Variants in TIAM2 observed in about 807,000 individuals in gnomAD.
TIAM2 encodes the protein TIAM Rac1 associated GEF 2.
In TIAM2, 80 loss-of-function variants were observed where a neutral mutation model predicts 152.9. The ratio of observed to expected loss-of-function variants is 0.52; its 90% CI spans 0.44 to 0.63. The LOEUF (loss-of-function observed/expected upper bound fraction) is 0.63. Among genes scored for constraint, TIAM2 ranks in the 30% least tolerant of loss-of-function variants. TIAM2 has a pLI of 0.00. For synonymous variants in TIAM2, 804 were observed against 838.0 expected (o/e 0.96, Z 0.70); for missense variants, 1,965 against 2,120.1 (o/e 0.93, Z 1.44).
chr6:155,102,809 GTA>G (rs1440887099), intron 2 of TIAM2, among the ~76,000 whole-genome samples: 9 of 127,476 alleles, frequency 7.1e-5, no homozygotes, highest in East Asian at 2.2e-4. Flanking sequence ...GTGTGTGTGT[GTA>G]TACATATATT....
At chr6:155,177,011 A>G (rs781718681) in intron 10 of TIAM2, 34 bp downstream of exon 10, 1 of 1,584,990 alleles carries the variant, frequency 6.3e-7, no homozygotes, top group Non-Finnish European at 8.6e-7. Context: ...ATATTTCTGA[A>G]TAGAAATAAT....
intron 14 of TIAM2, among the ~76,000 whole-genome samples, chr6:155,197,297 T>C (rs183238121): frequency 5.5e-4 from 84 of 152,390 alleles, no homozygotes; most frequent in Admixed American, 8.5e-4. Flanking sequence ...AGTTGATGAA[T>C]GGCCATGCCA....
intron 14 of TIAM2, among the ~76,000 whole-genome samples, chr6:155,204,443 A>G (rs1365550894): frequency 2.6e-5 from 4 of 152,166 alleles, no homozygotes; most frequent in African/African-American, 7.2e-5. Flanking sequence ...TGCCATTTAC[A>G]TATGGAGTAT....
chr6:155,118,429 CTT>C (rs1170455092), intron 2 of TIAM2, among the ~76,000 whole-genome samples: 50 of 132,366 alleles, frequency 3.8e-4, no homozygotes, highest in African/African-American at 1.5e-3. Context: ...TTTTCTTTTT[CTT>C]TTTCTTTTTT....
At chr6:155,236,315 A>G (rs1782755900) in intron 15 of TIAM2, among the ~76,000 whole-genome samples, 1 of 151,932 alleles carries the variant, frequency 6.6e-6, no homozygotes, top group Admixed American at 6.6e-5. Context: ...AGAGTAGACC[A>G]GCAGTTCTCA....
At chr6:155,051,099 T>C (rs1285349404) in intron 1 of TIAM2, among the ~76,000 whole-genome samples, 2 of 152,086 alleles carry the variant, frequency 1.3e-5, no homozygotes, top group African/African-American at 4.8e-5. Flanking sequence ...GAAAAGCTGG[T>C]TTTTTGGTTC....
intron 12 of TIAM2, among the ~76,000 whole-genome samples, chr6:155,181,264 G>C (rs943913820): frequency 1.3e-5 from 2 of 152,192 alleles, no homozygotes; most frequent in African/African-American, 2.4e-5. Flanking sequence ...ATTCAGAAGA[G>C]GGAAGGTCTG....
chr6:155,200,566 C>T (rs1230711465), intron 14 of TIAM2, among the ~76,000 whole-genome samples: 1 of 152,104 alleles, frequency 6.6e-6, no homozygotes, highest in Non-Finnish European at 1.5e-5. Flanking sequence ...TCTAATTCCA[C>T]AATATTTTTA....
At chr6:155,017,579 T>C (rs576725974) in intron 1 of TIAM2, among the ~76,000 whole-genome samples, 7 of 149,358 alleles carry the variant, frequency 4.7e-5, no homozygotes, top group East Asian at 4.0e-4. Flanking sequence ...TCTTGGCTCA[T>C]TGCAACCTCC....
chr6:155,004,329 A>G (rs910968921), intron 1 of TIAM2, among the ~76,000 whole-genome samples: 1 of 152,160 alleles, frequency 6.6e-6, no homozygotes, highest in Admixed American at 6.5e-5. Flanking sequence ...GTCAAGGCCC[A>G]TACTCTGTAT....
intron 16 of TIAM2, among the ~76,000 whole-genome samples, chr6:155,241,113 G>A (rs922125768): frequency 1.3e-5 from 2 of 152,164 alleles, no homozygotes; most frequent in Non-Finnish European, 2.9e-5. Flanking sequence ...GCGGTGGCCC[G>A]GGCCAGCCCT....
intron 1 of TIAM2, among the ~76,000 whole-genome samples, chr6:155,016,640 T>C (rs1485476528): frequency 7.0e-6 from 1 of 143,528 alleles, no homozygotes. Context: ...GGCTCATGCC[T>C]GTAATCCCAG....
At chr6:155,045,624 G>A (rs919620075) in intron 1 of TIAM2, among the ~76,000 whole-genome samples, 3 of 152,024 alleles carry the variant, frequency 2.0e-5, no homozygotes, top group Admixed American at 6.6e-5. Flanking sequence ...AATTGGGAGG[G>A]TTCCATTTGA....
At chr6:155,112,305 T>G (rs1321736295) in intron 2 of TIAM2, among the ~76,000 whole-genome samples, 3 of 151,876 alleles carry the variant, frequency 2.0e-5, no homozygotes, top group Non-Finnish European at 4.4e-5. Flanking sequence ...TTTGTAATTT[T>G]TTTTAGTAGA....
In TIAM2 at chr6:155,144,699, T is replaced by A; in HGVS notation, c.1724T>A (p.Val575Glu). Reference sequence around the variant, plus strand: ...GCTCTGTTTGCAGAAGACAGCATAGTGCAGTCTGTTCCAGAGCATCCCAAG... The same window carrying A: ...GCTCTGTTTGCAGAAGACAGCATAGAGCAGTCTGTTCCAGAGCATCCCAAG... ...RCALFAEDSI[V>E]QSVPEHPKKE... The change falls in exon 6 of 27, where the codon GTG becomes GAG. Residue 575 changes from valine (V) to glutamate (E), a missense_variant. Around this residue, in one of 3 missense-constraint regions of TIAM2, gnomAD observed 1,025 missense variants for 1,119.4 expected, o/e 0.92. Transcript: ENST00000682666. The A allele has an allele frequency of 6.2e-7, 1 of 1,611,610 alleles. No individual in the cohort carries two copies.
intron 14 of TIAM2, among the ~76,000 whole-genome samples, chr6:155,210,976 C>T (rs1047222572): frequency 6.6e-6 from 1 of 152,162 alleles, no homozygotes; most frequent in East Asian, 1.9e-4. Context: ...TGATTGGTCT[C>T]TTTCGACCAA....
At chr6:155,146,427 C>G (rs917127462) in intron 6 of TIAM2, among the ~76,000 whole-genome samples, 1 of 152,040 alleles carries the variant, frequency 6.6e-6, no homozygotes, top group African/African-American at 2.4e-5. Context: ...TTTTGTGATC[C>G]CAGAGGCCAC....
rs768330124 is a variant in TIAM2, at chr6:155,176,815, G to T, written c.2362-1G>T. ...CATTTTCTTTTGGCATCTACAAACA[G>T]GTCGATGAACTTCTGCATATATATG... On this transcript the variant is annotated splice_acceptor_variant, in intron 9 of 26. Transcript: ENST00000682666. LOFTEE classifies it high-confidence loss of function. 1 of 1,606,248 alleles carries T rather than the reference G, an allele frequency of 6.2e-7. No homozygotes were observed. The highest frequency in any genetic ancestry group is 8.5e-7 in the Non-Finnish European group (1 of 1,177,894).
intron 1 of TIAM2, among the ~76,000 whole-genome samples, chr6:155,086,566 G>T (rs1027779800): frequency 2.6e-5 from 4 of 152,200 alleles, no homozygotes; most frequent in African/African-American, 9.6e-5. Context: ...AATTAGACAA[G>T]TGTGGTGGCG....
Sources: gnomAD v4.1 joint callset for allele counts (sites outside exome capture counted in the v4.1 genomes callset) on GRCh38, gnomAD v4.1.1 for gene constraint, gnomAD v4.1.1 regional missense constraint, MANE v1.5 for transcripts, NCBI Gene and HGNC (gene_info 2026-07-23, HGNC 2026-07-21) for gene names.